The following CELF2 variants were observed in gnomAD, a reference collection of about 807,000 sequenced individuals.
CELF2 encodes the protein CUG triplet repeat RNA-binding protein 2.
In CELF2, 8 loss-of-function variants were observed where a neutral mutation model predicts 62.6. The observed-to-expected ratio is 0.13, with a 90% confidence interval of 0.07 to 0.23. The LOEUF (loss-of-function observed/expected upper bound fraction) is 0.23. Ranked by LOEUF, CELF2 falls within the 10% of genes least tolerant of loss-of-function variation. The probability of loss-of-function intolerance (pLI) is 1.00; values close to 1 mark genes in which losing one functional copy is unlikely to be tolerated. For synonymous variants in CELF2, 258 were observed against 250.0 expected (o/e 1.03, Z -0.30); for missense variants, 333 against 671.0 (o/e 0.50, Z 5.56).
intron 1 of CELF2, among the ~76,000 whole-genome samples, chr10:10,818,201 AATACGC>A (rs2056649522): frequency 6.6e-6 from 1 of 152,180 alleles, no homozygotes; most frequent in Non-Finnish European, 1.5e-5. Context: ...GTTTTGTGTT[AATACGC>A]ATTCACAAGG....
At chr10:10,583,714 A>G in the CELF2 span, among the ~76,000 whole-genome samples, 1 of 152,154 alleles carries the variant, frequency 6.6e-6, no homozygotes, top group Non-Finnish European at 1.5e-5. Flanking sequence ...GACACCTAGG[A>G]AAGAAAGACC....
chr10:11,049,224 T>A lies in CELF2; in HGVS notation c.74+31061T>A, dbSNP rs201169400. Reference sequence around the variant, plus strand: ...TGTTAGTATGCCATCTTTTTTTTTTTTAAAACTGCCTGTCTTTTTTTCTCC... The same window carrying A: ...TGTTAGTATGCCATCTTTTTTTTTTATAAAACTGCCTGTCTTTTTTTCTCC... On this transcript the variant is annotated intron_variant, in intron 1 of 12. Coordinates refer to ENST00000633077, the MANE Select transcript of CELF2 (RefSeq NM_001326342.2). 1.5e-3 allele frequency among the ~76,000 whole-genome samples: 227 copies of A among 151,764 alleles called. 1 individual carries two copies. The highest frequency in any genetic ancestry group is 2.5e-3 in the Non-Finnish European group (171 of 67,764).
intron 1 of CELF2, among the ~76,000 whole-genome samples, chr10:11,140,832 C>T (rs1258710455): frequency 1.3e-5 from 2 of 152,068 alleles, no homozygotes; most frequent in South Asian, 2.1e-4. Flanking sequence ...GCCCGGGCAA[C>T]ACAGCAAGAA....
chr10:10,950,702 G>A (rs925026104), intron 2 of CELF2, among the ~76,000 whole-genome samples: 108 of 152,300 alleles, frequency 7.1e-4, no homozygotes, highest in African/African-American at 2.5e-3. Context: ...TTTGCACATA[G>A]CATTGCAACT....
chr10:10,672,513 A>C, the CELF2 span, among the ~76,000 whole-genome samples: 2 of 146,352 alleles, frequency 1.4e-5, no homozygotes, highest in Admixed American at 1.4e-4. Context: ...TTAATTGCAT[A>C]TGCATGTCTA....
intron 2 of CELF2, among the ~76,000 whole-genome samples, chr10:10,940,495 T>A (rs1277021901): frequency 1.3e-5 from 2 of 152,184 alleles, no homozygotes; most frequent in African/African-American, 4.8e-5. Context: ...ATGAAAAAAT[T>A]GTCACTTGGA....
chr10:10,648,980 T>C, the CELF2 span, among the ~76,000 whole-genome samples: 1 of 152,210 alleles, frequency 6.6e-6, no homozygotes, highest in Non-Finnish European at 1.5e-5. Context: ...ATGTTATGTG[T>C]TGCTCACCTT....
chr10:10,953,954 G>T (rs1237759059), intron 2 of CELF2, among the ~76,000 whole-genome samples: 1 of 151,774 alleles, frequency 6.6e-6, no homozygotes, highest in African/African-American at 2.4e-5. Context: ...AGAGGCAAAG[G>T]GTATGAATAA....
At position 10,918,772 on chromosome 10, in the gene CELF2, A is replaced by G. The variant is rs184897495; in HGVS notation, c.54-1192A>G. ...GTTTGTATATATTGTTATTTTCTCT[A>G]TGTAAGGTGTTTGTGTCTTTAATGA... On this transcript the variant is annotated intron_variant, in intron 1 of 13. Transcript: ENST00000636488. Among the ~76,000 whole-genome samples, 12 of 152,284 alleles carry G rather than the reference A, an allele frequency of 7.9e-5. No individual in the cohort carries two copies. In the East Asian group the frequency reaches 2.3e-3, roughly 29 times the overall value.
intron 3 of CELF2, among the ~76,000 whole-genome samples, chr10:11,221,959 C>G (rs2064995870): frequency 6.6e-6 from 1 of 152,210 alleles, no homozygotes; most frequent in African/African-American, 2.4e-5. Context: ...GAGCCTGATC[C>G]AATCGGAGGA....
upstream of CELF2, among the ~76,000 whole-genome samples, chr10:11,017,502 C>A (rs1483590879): frequency 4.6e-5 from 7 of 152,174 alleles, no homozygotes; most frequent in Admixed American, 3.9e-4. This position sits in a 1 kb window ranked among gnomAD's most constrained non-coding sequence, Gnocchi z 5.5. Flanking sequence ...TTAGTTCCTG[C>A]CCGGGCAAGC....
rs1051147861 is a variant in CELF2, at chr10:11,268,037, G to A, written c.618+1360G>A. Among the ~76,000 whole-genome samples, 8 of 152,080 alleles carry A rather than the reference G, an allele frequency of 5.3e-5. No homozygotes were observed. The highest frequency in any genetic ancestry group is 9.7e-5 in the African/African-American group (4 of 41,396). ...CAGGTGAAAATCGGGCATGATAGGC[G>A]ATAATGAGCAGGATTTGGAATGTCT... On this transcript the variant is annotated intron_variant, in intron 6 of 12. Coordinates refer to ENST00000633077, the MANE Select transcript of CELF2 (RefSeq NM_001326342.2). The surrounding 1 kb of genome is among the most constrained non-coding windows in gnomAD (Gnocchi z 4.7).
chr10:11,042,456 A>G (rs755437439), intron 1 of CELF2, among the ~76,000 whole-genome samples: 1 of 152,206 alleles, frequency 6.6e-6, no homozygotes, highest in Admixed American at 6.5e-5. Context: ...ACTCACATTG[A>G]TGTTTATTCT....
chr10:11,066,261 C>T (rs576925650), intron 1 of CELF2, among the ~76,000 whole-genome samples: 2 of 152,028 alleles, frequency 1.3e-5, no homozygotes, highest in African/African-American at 2.4e-5. Context: ...TAAATTTCAT[C>T]TCTTTTCTGG....
the CELF2 span, among the ~76,000 whole-genome samples, chr10:10,557,899 T>G: frequency 6.9e-6 from 1 of 143,924 alleles, no homozygotes; most frequent in Non-Finnish European, 1.5e-5. Flanking sequence ...CCTGAGACTT[T>G]GCTGAAGTTG....
chr10:11,084,240 G>A (rs1204059114), intron 1 of CELF2, among the ~76,000 whole-genome samples: 2 of 152,218 alleles, frequency 1.3e-5, no homozygotes, highest in African/African-American at 4.8e-5. Flanking sequence ...CAGATATGGT[G>A]GTGGAAACAA....
intron 2 of CELF2, among the ~76,000 whole-genome samples, chr10:11,166,207 G>C (rs1039062853): frequency 1.3e-5 from 2 of 152,222 alleles, no homozygotes; most frequent in Non-Finnish European, 2.9e-5. Context: ...CCATTCCTGG[G>C]GGTCAGGTGG....
At chr10:10,783,523 T>A in the CELF2 span, among the ~76,000 whole-genome samples, 1 of 152,308 alleles carries the variant, frequency 6.6e-6, no homozygotes, top group African/African-American at 2.4e-5. Flanking sequence ...TCCAGAAGTA[T>A]GAGACAATAA....
chr10:11,096,656 T>C (rs943751897), intron 1 of CELF2, among the ~76,000 whole-genome samples: 2 of 152,180 alleles, frequency 1.3e-5, no homozygotes, highest in African/African-American at 2.4e-5. Flanking sequence ...GGAATCCCTC[T>C]TCAAAGAGTT....
Sources: allele counts gnomAD v4.1 joint callset (sites outside exome capture counted in the v4.1 genomes callset), GRCh38; gene constraint gnomAD v4.1.1; non-coding constraint Gnocchi (gnomAD v3.1); transcripts MANE v1.5; gene names NCBI Gene and HGNC (gene_info 2026-07-23, HGNC 2026-07-21).